DNAH9: variants seen among roughly 807,000 people sequenced by gnomAD.
DNAH9 encodes dynein axonemal heavy chain 9.
Under a neutral mutation model 471.6 loss-of-function variants are expected in DNAH9, and 345 were observed. The ratio of observed to expected loss-of-function variants is 0.73; its 90% confidence interval spans 0.67 to 0.80. The LOEUF (loss-of-function observed/expected upper bound fraction) is 0.80, where lower values mean the gene tolerates loss of function less well. DNAH9 is among the 30% of genes least tolerant of loss of function. DNAH9 has a pLI of 0.00. For missense variants in DNAH9, 5,407 were observed against 5,609.2 expected (o/e 0.96, Z 1.15); for synonymous variants, 2,093 against 2,123.6 (o/e 0.99, Z 0.40).
chr17:11,699,708 A>G lies in DNAH9; in HGVS notation c.4873-23A>G, dbSNP rs768821723. 35 of 1,612,270 alleles carry G rather than the reference A, an allele frequency of 2.2e-5. 2 individuals carry two copies. The Admixed American group carries it at 5.3e-4, about 25-fold the overall frequency. On this transcript the variant is annotated intron_variant, in intron 22 of 68. Coordinates refer to ENST00000262442, the MANE Select transcript of DNAH9 (RefSeq NM_001372.4). Reference sequence around the variant, plus strand: ...GCTTCCCGAACATGTTTTATGATCCATTGGCCTGGTTTCCCTTCATAGGTT... The same window carrying G: ...GCTTCCCGAACATGTTTTATGATCCGTTGGCCTGGTTTCCCTTCATAGGTT...
chr17:11,957,402 C>G (rs534590244), intron 67 of DNAH9, among the ~76,000 whole-genome samples: 2 of 152,060 alleles, frequency 1.3e-5, no homozygotes, highest in Admixed American at 1.3e-4. Flanking sequence ...CCCTATTCCT[C>G]CTGCTAAGTA....
Position 11,807,800 on chromosome 17 carries a change from G to A in DNAH9, c.8489G>A (p.Gly2830Asp), listed in dbSNP as rs1394983145. 1.9e-6 allele frequency: 3 copies of A among 1,613,932 alleles called. No homozygotes were observed. The highest frequency in any genetic ancestry group is 2.5e-6 in the Non-Finnish European group (3 of 1,179,944). Residue 2830 changes from glycine (G) to aspartate (D), a missense_variant, in exon 44 of 69, where the codon GGC (glycine) becomes GAC (aspartate). By Grantham distance (94) the Gly-to-Asp change is moderately conservative (BLOSUM62 -1). Coordinates refer to ENST00000262442, the MANE Select transcript of DNAH9 (RefSeq NM_001372.4). The part of the protein sequence containing the change: ...NALLVGVGGS[G>D]KQSLTRLAAF... ...CTGCTGGTTGGTGTAGGTGGGAGCG[G>A]CAAGCAGAGCCTGACAAGGCTGGCA... is the stretch of plus-strand genomic sequence containing the variant.
intron 59 of DNAH9, among the ~76,000 whole-genome samples, chr17:11,901,418 G>A (rs1030426095): frequency 1.3e-5 from 2 of 152,146 alleles, no homozygotes; most frequent in Admixed American, 1.3e-4. Flanking sequence ...CACTGGGGCC[G>A]GGTGTGGTGG....
intron 49 of DNAH9, among the ~76,000 whole-genome samples, chr17:11,842,816 C>T (rs9901764): frequency 0.028 from 4,295 of 152,230 alleles, 183 homozygotes; most frequent in African/African-American, 0.097. Flanking sequence ...AGTGGGTCTG[C>T]CTCTCCCAGT....
At chr17:11,868,839 A>C (rs1044224329) in intron 50 of DNAH9, among the ~76,000 whole-genome samples, 1 of 152,078 alleles carries the variant, frequency 6.6e-6, no homozygotes, top group Non-Finnish European at 1.5e-5. Flanking sequence ...CAACACCTCG[A>C]TGACTGCGGT....
chr17:11,641,469 C>T (rs1001955870), intron 10 of DNAH9, among the ~76,000 whole-genome samples: 7 of 151,816 alleles, frequency 4.6e-5, no homozygotes. Context: ...TGGGTGTGGG[C>T]GAGATCTTTA....
chr17:11,920,849 A>G (rs1443832790), intron 61 of DNAH9, among the ~76,000 whole-genome samples: 2 of 151,772 alleles, frequency 1.3e-5, no homozygotes, highest in Admixed American at 1.3e-4. Context: ...TCAGTGAGAA[A>G]GGGGTTTTTA....
Position 11,693,684 on chromosome 17 carries a change from T to C in DNAH9, c.4615-184T>C, listed in dbSNP as rs1308876196. On this transcript the variant is annotated intron_variant, in intron 20 of 68. Coordinates refer to ENST00000262442, the MANE Select transcript of DNAH9 (RefSeq NM_001372.4). ...AAAAGCTCTTTGGACTCCTAAACAA[T>C]TTTTGAAAATGTAAATGGGTTCTAA... Among the ~76,000 whole-genome samples the C allele has an allele frequency of 1.3e-5, 2 of 152,270 alleles. 1 individual carries two copies. The highest frequency in any genetic ancestry group is 3.9e-4 in the East Asian group (2 of 5,180).
intron 38 of DNAH9, among the ~76,000 whole-genome samples, chr17:11,774,005 G>A (rs1968322933): frequency 6.6e-6 from 1 of 152,022 alleles, no homozygotes. Flanking sequence ...GCGTGGTGGT[G>A]CGTGCCTGTA....
At chr17:11,723,838 G>T (rs1049543562) in intron 27 of DNAH9, among the ~76,000 whole-genome samples, 36 of 151,114 alleles carry the variant, frequency 2.4e-4, no homozygotes, top group Admixed American at 2.6e-4. Flanking sequence ...TGGCTAATTG[G>T]TTTTTTTTGT....
At chr17:11,910,473 G>A (rs1973758237) in intron 61 of DNAH9, among the ~76,000 whole-genome samples, 1 of 152,016 alleles carries the variant, frequency 6.6e-6, no homozygotes. Context: ...TGGACACTTG[G>A]GCTATTTCAT....
intron 49 of DNAH9, among the ~76,000 whole-genome samples, chr17:11,838,015 GA>G (rs1234340039): frequency 6.6e-6 from 1 of 151,972 alleles, no homozygotes; most frequent in African/African-American, 2.4e-5. Flanking sequence ...ATTAATTTCA[GA>G]AAAAAATTAA....
chr17:11,746,920 G>C (rs1966903920), intron 31 of DNAH9, among the ~76,000 whole-genome samples: 1 of 151,780 alleles, frequency 6.6e-6, no homozygotes, highest in Non-Finnish European at 1.5e-5. Flanking sequence ...TGAAAAACAA[G>C]AAAAATATTG....
chr17:11,831,285 G>A (rs1970677318), intron 48 of DNAH9, among the ~76,000 whole-genome samples: 1 of 152,152 alleles, frequency 6.6e-6, no homozygotes, highest in African/African-American at 2.4e-5. Context: ...TTTTCATGGT[G>A]GAAGGGAAAG....
At chr17:11,884,575 G>T (rs1972824588) in intron 56 of DNAH9, 2 of 456,082 alleles carry the variant, frequency 4.4e-6, no homozygotes, top group South Asian at 3.1e-5. Context: ...TTCGTTCTAG[G>T]TAGAGACAAG....
At chr17:11,954,797 A>C (rs571389433) in intron 67 of DNAH9, among the ~76,000 whole-genome samples, 1 of 151,664 alleles carries the variant, frequency 6.6e-6, no homozygotes, top group Non-Finnish European at 1.5e-5. Flanking sequence ...AAGAGAGAGA[A>C]AGAAATTTCT....
intron 29 of DNAH9, among the ~76,000 whole-genome samples, chr17:11,740,446 T>A: frequency 6.6e-6 from 1 of 152,126 alleles, no homozygotes; most frequent in East Asian, 1.9e-4. Context: ...GGCGGCCACC[T>A]TCTTGCTGTA....
At chr17:11,922,545 G>A (rs1402553504) in intron 61 of DNAH9, among the ~76,000 whole-genome samples, 5 of 152,094 alleles carry the variant, frequency 3.3e-5, no homozygotes, top group African/African-American at 1.2e-4. Flanking sequence ...AAGCCCACTG[G>A]TCTTGCTTCA....
At chr17:11,675,335 G>A (rs993111689) in intron 17 of DNAH9, among the ~76,000 whole-genome samples, 1 of 151,940 alleles carries the variant, frequency 6.6e-6, no homozygotes, top group African/African-American at 2.4e-5. Flanking sequence ...TAATTCATCT[G>A]TACATTCTTT....
Sources: gnomAD v4.1 joint callset for allele counts (sites outside exome capture counted in the v4.1 genomes callset) on GRCh38, gnomAD v4.1.1 for gene constraint, MANE v1.5 for transcripts, NCBI Gene and HGNC (gene_info 2026-07-23, HGNC 2026-07-21) for gene names.